The following FAM3D variants were observed in gnomAD, a reference collection of about 807,000 sequenced individuals.
FAM3D encodes the protein FAM3 metabolism regulating signaling molecule D.
In FAM3D, 26 loss-of-function variants were observed where a neutral mutation model predicts 29.8. The observed-to-expected ratio is 0.87, with a 90% CI of 0.64 to 1.21. The LOEUF is 1.21. Ranked by LOEUF, FAM3D falls within the 50% of genes most tolerant of loss-of-function variation. FAM3D has a pLI of 0.00. For synonymous variants in FAM3D, 115 were observed against 102.3 expected, an observed-to-expected ratio of 1.12 and a Z score of -0.75; for missense variants, 253 against 290.9, an observed-to-expected ratio of 0.87 and a Z score of 0.95.
chr3:58,645,859 G>A (rs1257089067), intron 4 of FAM3D, among the ~76,000 whole-genome samples: 2 of 152,222 alleles, frequency 1.3e-5, no homozygotes, highest in Non-Finnish European at 2.9e-5. Context: ...GAATTTTTGG[G>A]CTTCCCTTCA....
chr3:58,641,990 G>T (rs1005713450), intron 6 of FAM3D, among the ~76,000 whole-genome samples: 14 of 152,192 alleles, frequency 9.2e-5, no homozygotes, highest in African/African-American at 3.1e-4. Flanking sequence ...TGGGGTGAGG[G>T]CAGATGGATG....
Position 58,643,652 on chromosome 3 carries a change from T to C in FAM3D, c.322+10A>G, listed in dbSNP as rs774981102. ...GGTGGGAACTGTCTGGGGATGGATA[T>C]GCAACTCACCATTCACCAGGGCGAT... On this transcript the variant is annotated intron_variant, in intron 6 of 9. Coordinates refer to ENST00000358781, the MANE Select transcript of FAM3D (RefSeq NM_138805.3). 6.2e-7 allele frequency: 1 copy of C among 1,613,330 alleles called. No individual in the cohort carries two copies. Among genetic ancestry groups the C allele is most frequent in the Non-Finnish European group, 8.5e-7 (1 of 1,179,962 alleles).
At chr3:58,653,842 G>C (rs1286883811) in intron 2 of FAM3D, 61 bp from the exon 3 acceptor site, 1 of 1,300,592 alleles carries the variant, frequency 7.7e-7, no homozygotes, top group South Asian at 1.2e-5. Context: ...GCAAGACCAC[G>C]TGTGAGTTCT....
intron 3 of FAM3D, among the ~76,000 whole-genome samples, chr3:58,651,259 C>T (rs1374246412): frequency 6.6e-6 from 1 of 152,072 alleles, no homozygotes; most frequent in Non-Finnish European, 1.5e-5. Flanking sequence ...AAAACAAAAA[C>T]CAAATTTGTG....
rs1457849629 is a variant in FAM3D, at chr3:58,640,159, A to G, written c.341T>C (p.Leu114Pro). ...ALVNGTTGAV[L>P]GQKAFDMYSG... ...GTACATGTCAAATGCCTTCTGTCCC[A>G]GCACAGCTCCCGTGGTTCCTAGGGG... The change falls in exon 7 of 10, where the codon CTG becomes CCG. Residue 114 changes from leucine (L) to proline (P), a missense_variant. Physicochemically the swap from Leu to Pro is moderately conservative, Grantham distance 98. Transcript: ENST00000358781. 8 of 1,614,242 alleles carry G rather than the reference A, an allele frequency of 5.0e-6. No homozygotes were observed. The East Asian group carries it at 1.6e-4, about 31-fold the overall frequency.
intron 4 of FAM3D, among the ~76,000 whole-genome samples, chr3:58,648,686 G>A (rs1698105753): frequency 6.6e-6 from 1 of 152,136 alleles, no homozygotes; most frequent in African/African-American, 2.4e-5. Flanking sequence ...CCCCTTCCTT[G>A]TCCTGACTCT....
At chr3:58,642,987 T>A (rs1282638386) in intron 6 of FAM3D, among the ~76,000 whole-genome samples, 1 of 152,192 alleles carries the variant, frequency 6.6e-6, no homozygotes. Context: ...GGAAAGAGCC[T>A]TCCCCAATTT....
At chr3:58,657,065 T>C (rs1476351365) in intron 1 of FAM3D, among the ~76,000 whole-genome samples, 1 of 152,210 alleles carries the variant, frequency 6.6e-6, no homozygotes, top group Admixed American at 6.5e-5. Flanking sequence ...TGTGGAACTT[T>C]AACTTCCTGA....
rs560610604 is a variant in FAM3D at position 58,635,692 on chromosome 3, T to C, written c.585+602A>G. ...TTCACTGCGTTCAAGTAATTTCTAG[T>C]TACCCAAATACATCCTCTTAGAAAC... On this transcript the variant is annotated intron_variant, in intron 9 of 9. Transcript: ENST00000358781. The surrounding 1 kb of genome is among the most constrained non-coding windows in gnomAD (Gnocchi z 5.2). Among the ~76,000 whole-genome samples, 1 of 152,344 alleles carries C rather than the reference T, an allele frequency of 6.6e-6. No individual in the cohort carries two copies. The highest frequency in any genetic ancestry group is 2.1e-4 in the South Asian group (1 of 4,818).
chr3:58,659,047 A>AGTT lies in FAM3D; in HGVS notation c.-38-3449_-38-3447dup, dbSNP rs1480873812. On this transcript the variant is annotated intron_variant, in intron 1 of 9. Coordinates refer to ENST00000358781, the MANE Select transcript of FAM3D (RefSeq NM_138805.3). ...GACAGACCTGGGTTTGCCACTTACT[A>AGTT]GTTGTGTGTTTTTCCGCACATCTCT... Among the ~76,000 whole-genome samples, 3 of 152,242 alleles carry AGTT rather than the reference A, an allele frequency of 2.0e-5. No homozygotes were observed. In the East Asian group the frequency reaches 5.8e-4, roughly 29 times the overall value.
intron 1 of FAM3D, among the ~76,000 whole-genome samples, chr3:58,662,932 G>A (rs2106960063): frequency 6.6e-6 from 1 of 152,324 alleles, no homozygotes; most frequent in Non-Finnish European, 1.5e-5. Context: ...ATGGAATCTT[G>A]CTCTGTTGCC....
chr3:58,666,101 A>G (rs189389659), intron 1 of FAM3D, among the ~76,000 whole-genome samples: 2 of 152,168 alleles, frequency 1.3e-5, no homozygotes, highest in African/African-American at 4.8e-5. Flanking sequence ...TTTTTTATTC[A>G]TTTTTCAAAT....
chr3:58,655,895 A>G (rs2066781264), intron 1 of FAM3D, among the ~76,000 whole-genome samples: 1 of 152,054 alleles, frequency 6.6e-6, no homozygotes, highest in African/African-American at 2.4e-5. Flanking sequence ...GGGAGATTTG[A>G]TTTATTCACT....
At chr3:58,652,980 T>TG (rs1559505046) in intron 3 of FAM3D, among the ~76,000 whole-genome samples, 3 of 109,248 alleles carry the variant, frequency 2.7e-5, no homozygotes, top group Non-Finnish European at 6.1e-5. Flanking sequence ...ATCCATCCGT[T>TG]TTTTTTTTTT....
chr3:58,652,368 G>GTTCA (rs1559504339), intron 3 of FAM3D, among the ~76,000 whole-genome samples: 2 of 79,628 alleles, frequency 2.5e-5, no homozygotes, highest in African/African-American at 7.0e-5. Flanking sequence ...CCTTCCACCT[G>GTTCA]TCCATCCATT....
chr3:58,659,738 G>T (rs1349627542), intron 1 of FAM3D, among the ~76,000 whole-genome samples: 1 of 152,212 alleles, frequency 6.6e-6, no homozygotes, highest in African/African-American at 2.4e-5. Context: ...TTCCGTTTGG[G>T]AAAGGAAACT....
At chr3:58,654,878 C>G (rs1351846572) in intron 2 of FAM3D, among the ~76,000 whole-genome samples, 1 of 152,190 alleles carries the variant, frequency 6.6e-6, no homozygotes, top group African/African-American at 2.4e-5. Flanking sequence ...TCATGTTCAC[C>G]CAGCACTCAA....
intron 1 of FAM3D, among the ~76,000 whole-genome samples, chr3:58,666,338 C>T (rs924062846): frequency 4.6e-5 from 7 of 152,190 alleles, no homozygotes; most frequent in African/African-American, 1.7e-4. Flanking sequence ...GCCCCAGAAT[C>T]CTTTTTATCA....
intron 1 of FAM3D, among the ~76,000 whole-genome samples, chr3:58,660,065 A>G (rs1003782643): frequency 6.6e-6 from 1 of 152,172 alleles, no homozygotes; most frequent in African/African-American, 2.4e-5. Context: ...TTCTGTGTGC[A>G]TGAGTGCGGG....
Sources: gnomAD v4.1 joint callset for allele counts (sites outside exome capture counted in the v4.1 genomes callset) on GRCh38, gnomAD v4.1.1 for gene constraint, Gnocchi (gnomAD v3.1) non-coding constraint, MANE v1.5 for transcripts, NCBI Gene and HGNC (gene_info 2026-07-23, HGNC 2026-07-21) for gene names.